The following HMCN1 variants were observed in gnomAD, a reference collection of about 807,000 sequenced individuals.
HMCN1 encodes hemicentin 1.
HMCN1 carries 321 observed loss-of-function variants against 625.9 expected under a neutral mutation model. The observed-to-expected ratio is 0.51, with a 90% CI of 0.47 to 0.56. HMCN1 has a LOEUF of 0.56. HMCN1 is among the 20% of genes least tolerant of loss of function. The pLI, the probability that HMCN1 is intolerant of heterozygous loss-of-function variation, is 0.00. For synonymous variants in HMCN1, 2,425 were observed against 2,417.6 expected, an observed-to-expected ratio of 1.00 and a Z score of -0.09; for missense variants, 6,588 against 6,887.3, an observed-to-expected ratio of 0.96 and a Z score of 1.54.
chr1:185,760,320 A>G (rs1655410492), intron 1 of HMCN1, among the ~76,000 whole-genome samples: 1 of 152,170 alleles, frequency 6.6e-6, no homozygotes, highest in South Asian at 2.1e-4. Context: ...AAAAGTCTCA[A>G]AGGTAATGCA....
intron 1 of HMCN1, among the ~76,000 whole-genome samples, chr1:185,821,402 G>C (rs1426222247): frequency 6.6e-6 from 1 of 152,060 alleles, no homozygotes; most frequent in Non-Finnish European, 1.5e-5. Context: ...GAAAGGTTTA[G>C]GAAACTCATA....
At chr1:185,993,601 GA>G (rs577774309) in intron 23 of HMCN1, among the ~76,000 whole-genome samples, 92 of 151,992 alleles carry the variant, frequency 6.1e-4, no homozygotes, top group Non-Finnish European at 1.2e-3. Flanking sequence ...ATATACAGTA[GA>G]AAAAAATGTG....
intron 70 of HMCN1, 24 bp downstream of exon 70, chr1:186,106,989 A>G: frequency 1.4e-6 from 2 of 1,389,178 alleles, no homozygotes; most frequent in Non-Finnish European, 2.1e-6. Context: ...AATATCCTAC[A>G]GTCTATCATA....
chr1:186,022,941 A>G, intron 35 of HMCN1, 89 bp from the exon 36 acceptor site: 1 of 1,305,298 alleles, frequency 7.7e-7, no homozygotes. Context: ...TAGATATTAT[A>G]AATTTAAATG....
At chr1:185,817,371 T>C (rs1398759736) in intron 1 of HMCN1, among the ~76,000 whole-genome samples, 1 of 151,950 alleles carries the variant, frequency 6.6e-6, no homozygotes, top group Non-Finnish European at 1.5e-5. Context: ...GATGGGACAG[T>C]TGGAGCAAAG....
chr1:186,061,723 T>C (rs1657716213), intron 46 of HMCN1, 128 bp from the exon 47 acceptor site: 1 of 510,190 alleles, frequency 2.0e-6, no homozygotes, highest in African/African-American at 1.9e-5. Context: ...AAGCTTAACA[T>C]AAATTCATTT....
chr1:185,889,523 T>C (rs1220384716), intron 4 of HMCN1, among the ~76,000 whole-genome samples: 4 of 139,122 alleles, frequency 2.9e-5, no homozygotes, highest in African/African-American at 9.6e-5. Context: ...GCATGAAGGG[T>C]TGTTGAATTT....
Position 185,995,094 on chromosome 1 carries a change from C to T in HMCN1, c.3778+7C>T. On this transcript the variant is annotated splice_region_variant and intron_variant, in intron 24 of 106. Transcript: ENST00000271588. The stretch of plus-strand genomic sequence containing the variant: ...ATAACGCTACATGTCCAAGGTGATT[C>T]TTGACACAGGAAAATATATGTATGT... 2 of 1,612,772 alleles carry T rather than the reference C, an allele frequency of 1.2e-6. No individual in the cohort carries two copies. Among genetic ancestry groups the T allele is most frequent in the Non-Finnish European group, 1.7e-6 (2 of 1,178,962 alleles).
intron 4 of HMCN1, among the ~76,000 whole-genome samples, chr1:185,877,321 C>CTTTTTTTTTTTTTTTTTT (rs71557837): frequency 2.0e-4 from 7 of 34,908 alleles, no homozygotes; most frequent in Admixed American, 4.9e-4. Flanking sequence ...ATGTGTCTTT[C>CTTTTTTTTTTTTTTTTTT]TTTTTTTTTT....
At position 186,038,832 on chromosome 1, in the gene HMCN1, T is replaced by G. The variant is rs752186399; in HGVS notation, c.5855T>G (p.Ile1952Ser). The G allele has an allele frequency of 2.5e-6, 4 of 1,593,764 alleles. No individual in the cohort carries two copies. Among genetic ancestry groups the G allele is most frequent in the Non-Finnish European group, 3.4e-6 (4 of 1,161,606 alleles). The change falls in exon 38 of 107, where the codon ATT becomes AGT. Residue 1952 changes from isoleucine (I) to serine (S), a missense_variant. Coordinates refer to ENST00000271588, the MANE Select transcript of HMCN1 (RefSeq NM_031935.3). ...TCTTCTCCCCTTCTTCTTTCAGTTA[T>G]TACATGGTACAAAGATAATCGTCTA... is the stretch of plus-strand genomic sequence containing the variant. ...CKAAGNPVPV[I>S]TWYKDNRLLS... is the part of the protein sequence containing the mutation.
In HMCN1 at chr1:186,041,609, C is replaced by T. The variant is rs141179855; in HGVS notation, c.6304+473C>T. Among the ~76,000 whole-genome samples the T allele has an allele frequency of 5.5e-3, 831 of 152,188 alleles. 4 individuals are homozygous for T. Among genetic ancestry groups the T allele is most frequent in the Middle Eastern group, 0.024 (7 of 294 alleles). On this transcript the variant is annotated intron_variant, in intron 40 of 106. Transcript: ENST00000271588. ...TCAATATAAATTTAGGCAAAATTTA[C>T]GTTTTTGCCCACTCTCAATGCCGCT...
rs760046599 is a variant in HMCN1, at chr1:185,980,971, C to T, written c.2567-7C>T. ...TATTGGATGAGTAAATGAGTTCTTC[C>T]TTTTAGACTTATGGGCAAGTGATAA... is the stretch of plus-strand genomic sequence containing the variant. On this transcript the variant is annotated splice_polypyrimidine_tract_variant and splice_region_variant and intron_variant, in intron 16 of 106. Coordinates refer to ENST00000271588, the MANE Select transcript of HMCN1 (RefSeq NM_031935.3). 3.2e-6 allele frequency: 5 copies of T among 1,557,940 alleles called. No individual in the cohort carries two copies. The South Asian group carries it at 5.6e-5, about 17-fold the overall frequency.
chr1:186,081,122 A>G (rs1659142939), intron 55 of HMCN1, 85 bp from the exon 56 acceptor site: 18 of 1,165,238 alleles, frequency 1.5e-5, no homozygotes, highest in Non-Finnish European at 2.3e-5. Context: ...TTATTATCCC[A>G]AAGTTTTTAA....
At chr1:186,034,253 A>G (rs1394625429) in intron 36 of HMCN1, among the ~76,000 whole-genome samples, 2 of 152,194 alleles carry the variant, frequency 1.3e-5, no homozygotes, top group East Asian at 3.9e-4. Context: ...ATTCTTCTCT[A>G]GAGCCTCCAG....
chr1:186,166,081 C>A, intron 98 of HMCN1, 103 bp from the exon 99 acceptor site: 1 of 1,233,622 alleles, frequency 8.1e-7, no homozygotes, highest in Non-Finnish European at 1.2e-6. Context: ...ATATTTGATT[C>A]AACTTCTTGG....
chr1:185,742,601 T>C (rs922382966), intron 1 of HMCN1, among the ~76,000 whole-genome samples: 14 of 152,178 alleles, frequency 9.2e-5, no homozygotes, highest in African/African-American at 3.1e-4. Context: ...TCAATATGTA[T>C]AGGAAAAAGA....
At position 186,041,002 on chromosome 1, in the gene HMCN1, A is replaced by G; in HGVS notation, c.6181-11A>G. The G allele has an allele frequency of 6.2e-7, 1 of 1,612,562 alleles. No homozygotes were observed. Among genetic ancestry groups the G allele is most frequent in the Non-Finnish European group, 8.5e-7 (1 of 1,178,866 alleles). On this transcript the variant is annotated splice_polypyrimidine_tract_variant and intron_variant, in intron 39 of 106. Coordinates refer to ENST00000271588, the MANE Select transcript of HMCN1 (RefSeq NM_031935.3). ...GACATATTGGTTATTTAGCGTTCTT[A>G]CCATTGATAGGTTCTCTCTGGTGGT...
intron 97 of HMCN1, among the ~76,000 whole-genome samples, chr1:186,157,157 A>G (rs937998642): frequency 1.3e-5 from 2 of 152,200 alleles, no homozygotes; most frequent in African/African-American, 4.8e-5. Context: ...ATTTCTAAGT[A>G]TGTATTCATA....
intron 4 of HMCN1, among the ~76,000 whole-genome samples, chr1:185,894,266 C>T (rs1255978239): frequency 6.6e-6 from 1 of 152,042 alleles, no homozygotes; most frequent in Non-Finnish European, 1.5e-5. Context: ...CAGTTGCTGG[C>T]TTCTTTTGTT....
Sources: allele counts gnomAD v4.1 joint callset (sites outside exome capture counted in the v4.1 genomes callset), GRCh38; gene constraint gnomAD v4.1.1; transcripts MANE v1.5; gene names NCBI Gene and HGNC (gene_info 2026-07-23, HGNC 2026-07-21).